ATP9B: variants seen among roughly 807,000 people sequenced by gnomAD.
ATP9B encodes the protein probable phospholipid-transporting ATPase IIB.
In ATP9B, 110 loss-of-function variants were observed where a neutral mutation model predicts 146.1. The observed-to-expected ratio is 0.75, with a 90% CI of 0.65 to 0.88. The LOEUF (loss-of-function observed/expected upper bound fraction) is 0.88. Ranked by LOEUF, ATP9B falls within the 40% of genes least tolerant of loss-of-function variation. ATP9B has a pLI of 0.00. For synonymous variants in ATP9B, 604 were observed against 569.7 expected (o/e 1.06, Z -0.86); for missense variants, 1,499 against 1,496.4 (o/e 1.00, Z -0.03).
intron 25 of ATP9B, chr18:79,352,929 A>G (rs967736751): frequency 6.6e-6 from 1 of 152,278 alleles, no homozygotes. Context: ...ACATATCTTC[A>G]ACTCAACGAT....
chr18:79,179,293 T>C (rs2095220926), intron 8 of ATP9B, among the ~76,000 whole-genome samples: 1 of 152,118 alleles, frequency 6.6e-6, no homozygotes, highest in African/African-American at 2.4e-5. Flanking sequence ...TATTAATTTC[T>C]GCTCTTTATT....
chr18:79,333,767 G>A (rs540912666), intron 17 of ATP9B, among the ~76,000 whole-genome samples: 2 of 152,136 alleles, frequency 1.3e-5, no homozygotes, highest in Non-Finnish European at 2.9e-5. Flanking sequence ...GGCTCATTGC[G>A]GCCGTAGCTA....
intron 26 of ATP9B, 134 bp downstream of exon 26, chr18:79,359,596 T>A: frequency 1.4e-6 from 1 of 695,224 alleles, no homozygotes; most frequent in Non-Finnish European, 2.6e-6. Flanking sequence ...TTGAAGATGT[T>A]TTTTATGTCT....
chr18:79,269,362 G>T (rs1285729294), intron 12 of ATP9B, among the ~76,000 whole-genome samples: 1 of 152,180 alleles, frequency 6.6e-6, no homozygotes, highest in Non-Finnish European at 1.5e-5. Flanking sequence ...CTTTGACTGT[G>T]TGTAATCAGC....
chr18:79,289,852 T>C (rs567136218), intron 13 of ATP9B, among the ~76,000 whole-genome samples: 7 of 152,306 alleles, frequency 4.6e-5, no homozygotes, highest in African/African-American at 1.7e-4. Flanking sequence ...CAGCTGCAGG[T>C]CTGTTGGAGC....
intron 10 of ATP9B, among the ~76,000 whole-genome samples, chr18:79,212,624 A>G (rs1016326677): frequency 2.0e-5 from 3 of 152,212 alleles, no homozygotes; most frequent in Non-Finnish European, 4.4e-5. Context: ...TACTGATCAG[A>G]TGATATTTAA....
chr18:79,218,982 C>T (rs1357443364), intron 11 of ATP9B, among the ~76,000 whole-genome samples: 1 of 151,992 alleles, frequency 6.6e-6, no homozygotes, highest in Non-Finnish European at 1.5e-5. Context: ...CTTGCAGAAC[C>T]CGGAAGAATA....
At chr18:79,167,083 A>C (rs1033774764) in intron 7 of ATP9B, among the ~76,000 whole-genome samples, 1 of 152,148 alleles carries the variant, frequency 6.6e-6, no homozygotes, top group African/African-American at 2.4e-5. Flanking sequence ...GGAACCGCAG[A>C]TCCCCAAAGA....
At chr18:79,172,644 C>G (rs1222949534) in intron 7 of ATP9B, among the ~76,000 whole-genome samples, 2 of 152,168 alleles carry the variant, frequency 1.3e-5, no homozygotes, top group South Asian at 2.1e-4. Context: ...ACCGTGCCCG[C>G]CTAGAGACTT....
At chr18:79,231,304 A>T (rs1279876594) in intron 11 of ATP9B, among the ~76,000 whole-genome samples, 6 of 152,206 alleles carry the variant, frequency 3.9e-5, no homozygotes, top group Non-Finnish European at 8.8e-5. Context: ...AAGAAAAAAA[A>T]ACAAACAGTC....
At chr18:79,229,302 G>T (rs2095766583) in intron 11 of ATP9B, among the ~76,000 whole-genome samples, 1 of 152,166 alleles carries the variant, frequency 6.6e-6, no homozygotes, top group Admixed American at 6.5e-5. Context: ...GAAATGAGCA[G>T]CTTGTGTATG....
At chr18:79,077,842 T>G (rs929263479) in intron 1 of ATP9B, 1 of 152,288 alleles carries the variant, frequency 6.6e-6, no homozygotes, top group African/African-American at 2.4e-5. Context: ...ATCTGCTTTC[T>G]GCAGCCCTCT....
chr18:79,374,065 T>TA lies in ATP9B; in HGVS notation c.3239dup (p.Tyr1080Ter). The TA allele has an allele frequency of 6.2e-7, 1 of 1,614,262 alleles. No individual in the cohort carries two copies. Among genetic ancestry groups the TA allele is most frequent in the East Asian group, 2.2e-5 (1 of 44,890 alleles). Reference protein sequence around the residue: ...VVAEFLSLGCYVSSLAFLNEY... With the variant: ...VVAEFLSLGC ...GGCCGAGTTCCTCAGCTTAGGCTGCTACGTGTCCTCACTCGCTTTTCTCAA... is the reference window on the plus strand; with the variant it reads ...GGCCGAGTTCCTCAGCTTAGGCTGCTAACGTGTCCTCACTCGCTTTTCTCAA... The change falls in exon 28 of 30, where the codon TAC (tyrosine) becomes TAAC (stop). Residue 1080 changes from tyrosine (Y) to a stop codon, truncating the protein, a stop_gained and frameshift_variant. Transcript: ENST00000426216. LOFTEE classifies it high-confidence loss of function.
At chr18:79,365,637 G>A (rs1199922412) in intron 26 of ATP9B, among the ~76,000 whole-genome samples, 2 of 152,268 alleles carry the variant, frequency 1.3e-5, no homozygotes, top group African/African-American at 4.8e-5. Context: ...GGATGTCTCC[G>A]TGGACAGGGA....
At chr18:79,220,308 C>A (rs2095665608) in intron 11 of ATP9B, among the ~76,000 whole-genome samples, 1 of 152,148 alleles carries the variant, frequency 6.6e-6, no homozygotes, top group African/African-American at 2.4e-5. Flanking sequence ...TTCCTTCTTA[C>A]AAATATTTTC....
intron 8 of ATP9B, among the ~76,000 whole-genome samples, chr18:79,186,658 C>G (rs1436886178): frequency 6.6e-6 from 1 of 152,156 alleles, no homozygotes; most frequent in Non-Finnish European, 1.5e-5. Context: ...TCATAATTCT[C>G]AAGTTACTAG....
chr18:79,172,216 C>T (rs2095085519), intron 7 of ATP9B, among the ~76,000 whole-genome samples: 2 of 145,078 alleles, frequency 1.4e-5, no homozygotes, highest in Admixed American at 6.8e-5. Flanking sequence ...CCCGCCCTTG[C>T]GATCCGCCTT....
chr18:79,232,730 A>T (rs1489283216), intron 11 of ATP9B, among the ~76,000 whole-genome samples: 1 of 152,230 alleles, frequency 6.6e-6, no homozygotes, highest in East Asian at 1.9e-4. Flanking sequence ...CTGGAATAGA[A>T]GAAGTAGACA....
At chr18:79,337,010 C>T (rs2096830832) in intron 18 of ATP9B, among the ~76,000 whole-genome samples, 1 of 152,184 alleles carries the variant, frequency 6.6e-6, no homozygotes, top group South Asian at 2.1e-4. Flanking sequence ...AGTATGTGCA[C>T]ATAGGCGCCT....
Sources: allele counts gnomAD v4.1 joint callset (sites outside exome capture counted in the v4.1 genomes callset), GRCh38; gene constraint gnomAD v4.1.1; transcripts MANE v1.5; gene names NCBI Gene and HGNC (gene_info 2026-07-23, HGNC 2026-07-21).